Variants in DCDC2 observed in about 807,000 individuals in gnomAD.
DCDC2 encodes doublecortin domain containing 2.
A neutral mutation model predicts 50.2 loss-of-function variants in DCDC2; 40 were observed. The observed-to-expected ratio is 0.80, with a 90% CI of 0.62 to 1.04. DCDC2 has a LOEUF of 1.04. DCDC2 is among the 50% of genes least tolerant of loss of function. The pLI is 0.00. For synonymous variants in DCDC2, 234 were observed against 210.6 expected (o/e 1.11, Z -0.96); for missense variants, 570 against 581.9 (o/e 0.98, Z 0.21).
chr6:24,248,153 T>C (rs1045862299), intron 7 of DCDC2, among the ~76,000 whole-genome samples: 1 of 152,214 alleles, frequency 6.6e-6, no homozygotes, highest in Admixed American at 6.5e-5. Flanking sequence ...TTTCTGCATC[T>C]GTAGATTGGA....
chr6:24,286,561 C>T (rs1763613311), intron 6 of DCDC2, among the ~76,000 whole-genome samples: 1 of 151,120 alleles, frequency 6.6e-6, no homozygotes, highest in South Asian at 2.1e-4. Context: ...CCACTGTACA[C>T]CACCCTGGGT....
At chr6:24,232,969 A>G (rs540558015) in intron 7 of DCDC2, among the ~76,000 whole-genome samples, 2 of 152,310 alleles carry the variant, frequency 1.3e-5, no homozygotes, top group African/African-American at 4.8e-5. Context: ...TCCTTTTCTG[A>G]AGCATGATAG....
chr6:24,234,898 T>C (rs1762410987), intron 7 of DCDC2, among the ~76,000 whole-genome samples: 1 of 152,184 alleles, frequency 6.6e-6, no homozygotes, highest in Non-Finnish European at 1.5e-5. Flanking sequence ...ATAGCACACT[T>C]GCCAAACACC....
chr6:24,288,676 G>A (rs902906739), intron 6 of DCDC2, among the ~76,000 whole-genome samples, 176 bp downstream of exon 6: 1 of 152,276 alleles, frequency 6.6e-6, no homozygotes, highest in Admixed American at 6.5e-5. Flanking sequence ...AAAAATGTTA[G>A]CTCTGTTTAG....
chr6:24,212,135 C>T (rs1463974140), intron 7 of DCDC2, among the ~76,000 whole-genome samples: 1 of 152,170 alleles, frequency 6.6e-6, no homozygotes, highest in Non-Finnish European at 1.5e-5. Context: ...AGGGTGCACG[C>T]TCCTTACGAG....
At chr6:24,277,245 C>T (rs1466326784) in intron 7 of DCDC2, among the ~76,000 whole-genome samples, 2 of 136,524 alleles carry the variant, frequency 1.5e-5, no homozygotes, top group Non-Finnish European at 3.2e-5. Context: ...CTTCCTGGAA[C>T]CCCTCACAGT....
intron 7 of DCDC2, among the ~76,000 whole-genome samples, chr6:24,251,213 AG>A (rs1316567287): frequency 6.6e-6 from 1 of 152,204 alleles, no homozygotes; most frequent in African/African-American, 2.4e-5. Context: ...GCCTTGGTTG[AG>A]GCAAAACTGG....
chr6:24,267,962 G>A (rs1213059771), intron 7 of DCDC2, among the ~76,000 whole-genome samples: 3 of 152,172 alleles, frequency 2.0e-5, no homozygotes, highest in African/African-American at 4.8e-5. Flanking sequence ...TGTGGAAGCA[G>A]TATGCCTATT....
chr6:24,192,992 A>G (rs1015955521), intron 8 of DCDC2, among the ~76,000 whole-genome samples: 7 of 152,092 alleles, frequency 4.6e-5, no homozygotes, highest in African/African-American at 1.7e-4. Flanking sequence ...AAATAGTCTA[A>G]AAGCCTTCAG....
rs1175925647 is a variant in DCDC2, at chr6:24,316,089, T to A, written c.349-14045A>T. ...CTACTGGGACAGAGAACATTTGCAC[T>A]TGCTGTGGATCCAGAGTTCAGTCTT... On this transcript the variant is annotated intron_variant, in intron 2 of 9. Coordinates refer to ENST00000378454, the MANE Select transcript of DCDC2 (RefSeq NM_016356.5). Among the ~76,000 whole-genome samples the A allele has an allele frequency of 2.0e-5, 3 of 152,196 alleles. No individual in the cohort carries two copies. In the East Asian group the frequency reaches 5.8e-4, roughly 29 times the overall value.
chr6:24,221,846 G>A (rs1620407), intron 7 of DCDC2, among the ~76,000 whole-genome samples: 123,740 of 151,714 alleles, frequency 0.82, 51,251 homozygotes, highest in Non-Finnish European at 0.89. Flanking sequence ...TACACCCATC[G>A]TTATCTACAG....
At chr6:24,371,333 G>T in the DCDC2 span, among the ~76,000 whole-genome samples, 1 of 150,334 alleles carries the variant, frequency 6.7e-6, no homozygotes, top group Admixed American at 6.6e-5. Context: ...GCTGGATGCC[G>T]TGGCTCACAC....
chr6:24,206,037 C>A (rs1356682853), intron 7 of DCDC2, among the ~76,000 whole-genome samples: 1 of 152,086 alleles, frequency 6.6e-6, no homozygotes, highest in Non-Finnish European at 1.5e-5. Flanking sequence ...GCCTTAAAAC[C>A]CCCTTTATTT....
intron 7 of DCDC2, among the ~76,000 whole-genome samples, chr6:24,243,984 G>C (rs1762619218): frequency 6.6e-6 from 1 of 152,148 alleles, no homozygotes; most frequent in African/African-American, 2.4e-5. Flanking sequence ...TTTCATTTCA[G>C]AATTTAAATC....
At chr6:24,255,939 A>G (rs75373804) in intron 7 of DCDC2, among the ~76,000 whole-genome samples, 3,847 of 152,276 alleles carry the variant, frequency 0.025, 84 homozygotes, top group African/African-American at 0.055. Context: ...AAATCGAAAG[A>G]ACATTTATAA....
At chr6:24,361,010 T>C (rs1424335699), upstream of DCDC2, among the ~76,000 whole-genome samples, 2 of 152,086 alleles carry the variant, frequency 1.3e-5, no homozygotes, top group Non-Finnish European at 2.9e-5. Context: ...TTCCACAAGC[T>C]CCATAACCAG....
intron 4 of DCDC2, among the ~76,000 whole-genome samples, chr6:24,292,011 C>T (rs2113831438): frequency 6.6e-6 from 1 of 151,734 alleles, no homozygotes; most frequent in South Asian, 2.1e-4. Context: ...TTTTGCCGTC[C>T]CTACTAAGCA....
upstream of DCDC2, among the ~76,000 whole-genome samples, chr6:24,359,238 ATT>A (rs1760591652): frequency 2.8e-4 from 22 of 77,452 alleles, no homozygotes; most frequent in Non-Finnish European, 3.3e-4. Flanking sequence ...TATTTTATAT[ATT>A]TTATATATTA....
At chr6:24,314,103 A>C (rs1759619099) in intron 2 of DCDC2, among the ~76,000 whole-genome samples, 1 of 152,226 alleles carries the variant, frequency 6.6e-6, no homozygotes, top group Admixed American at 6.5e-5. Context: ...CCAAGTTCTC[A>C]CATTCTCCAA....
Sources: allele counts gnomAD v4.1 joint callset (sites outside exome capture counted in the v4.1 genomes callset), GRCh38; gene constraint gnomAD v4.1.1; transcripts MANE v1.5; gene names NCBI Gene and HGNC (gene_info 2026-07-23, HGNC 2026-07-21).